Variants in FSTL5 observed in about 807,000 individuals in gnomAD.
FSTL5 encodes the protein follistatin-related protein 5.
A neutral mutation model predicts 89.1 loss-of-function variants in FSTL5; 62 were observed. The ratio of observed to expected loss-of-function variants is 0.70; its 90% CI spans 0.57 to 0.86. The LOEUF (loss-of-function observed/expected upper bound fraction) is 0.86. FSTL5 is among the 40% of genes least tolerant of loss of function. The pLI is 0.00. For synonymous variants in FSTL5, 383 were observed against 346.2 expected (o/e 1.11, Z -1.18); for missense variants, 1,057 against 1,001.6 (o/e 1.06, Z -0.75).
chr4:161,880,370 C>T (rs1732588786), intron 4 of FSTL5, among the ~76,000 whole-genome samples: 1 of 151,840 alleles, frequency 6.6e-6, no homozygotes, highest in African/African-American at 2.4e-5. Context: ...TTAAATATAA[C>T]AGAACTTGGA....
intron 6 of FSTL5, among the ~76,000 whole-genome samples, chr4:161,694,830 T>C (rs1317919320): frequency 6.8e-6 from 1 of 147,382 alleles, no homozygotes; most frequent in Non-Finnish European, 1.5e-5. Flanking sequence ...TTAGTGTTTG[T>C]TTTCTAAATG....
chr4:161,857,529 TG>T (rs1731759752), intron 4 of FSTL5, among the ~76,000 whole-genome samples: 1 of 152,196 alleles, frequency 6.6e-6, no homozygotes, highest in Non-Finnish European at 1.5e-5. Context: ...TGGAGCTAAC[TG>T]CTACTCATTC....
intron 8 of FSTL5, among the ~76,000 whole-genome samples, chr4:161,562,716 CCT>C (rs138101506): frequency 0.012 from 1,873 of 151,546 alleles, 58 homozygotes; most frequent in Admixed American, 0.063. Flanking sequence ...TAAAATGTAC[CCT>C]GTTACTGCTT....
At chr4:161,522,558 A>G (rs1731074804) in intron 10 of FSTL5, among the ~76,000 whole-genome samples, 1 of 151,434 alleles carries the variant, frequency 6.6e-6, no homozygotes, top group South Asian at 2.1e-4. Flanking sequence ...TAAAATACAT[A>G]TTACATACAT....
At chr4:162,077,684 T>G (rs1729923598) in intron 2 of FSTL5, among the ~76,000 whole-genome samples, 1 of 151,734 alleles carries the variant, frequency 6.6e-6, no homozygotes, top group Non-Finnish European at 1.5e-5. Flanking sequence ...GGAAGAAAAA[T>G]AACTTTAGAT....
intron 15 of FSTL5, among the ~76,000 whole-genome samples, chr4:161,450,619 T>C (rs999722350): frequency 5.9e-5 from 9 of 152,194 alleles, no homozygotes; most frequent in African/African-American, 2.2e-4. Context: ...TGGATACAAA[T>C]TACACATAGA....
At chr4:161,982,281 G>C (rs1390470496) in intron 3 of FSTL5, among the ~76,000 whole-genome samples, 2 of 152,174 alleles carry the variant, frequency 1.3e-5, no homozygotes, top group African/African-American at 4.8e-5. Context: ...TTCATTTGGG[G>C]TCAAGACTTG....
chr4:162,025,250 C>T (rs1405626280), intron 3 of FSTL5, among the ~76,000 whole-genome samples: 2 of 151,896 alleles, frequency 1.3e-5, no homozygotes, highest in Non-Finnish European at 2.9e-5. Context: ...AATAATGATT[C>T]GACATAGAAG....
At chr4:161,997,522 A>T (rs1736330108) in intron 3 of FSTL5, among the ~76,000 whole-genome samples, 2 of 152,168 alleles carry the variant, frequency 1.3e-5, no homozygotes, top group Admixed American at 1.3e-4. Flanking sequence ...TTGAATACAA[A>T]TCAAATACAC....
chr4:161,472,053 CA>C (rs1482825294), intron 13 of FSTL5, among the ~76,000 whole-genome samples: 1 of 151,494 alleles, frequency 6.6e-6, no homozygotes, highest in East Asian at 1.9e-4. Context: ...CTTGGCTCAC[CA>C]CAAGCTCCAC....
chr4:161,745,252 A>G (rs943862001), intron 6 of FSTL5, among the ~76,000 whole-genome samples: 1 of 152,066 alleles, frequency 6.6e-6, no homozygotes, highest in Non-Finnish European at 1.5e-5. Context: ...AATATTTAAA[A>G]ATATTCGTAC....
At chr4:161,496,303 G>C (rs1436984418) in intron 12 of FSTL5, among the ~76,000 whole-genome samples, 1 of 152,094 alleles carries the variant, frequency 6.6e-6, no homozygotes, top group Non-Finnish European at 1.5e-5. Flanking sequence ...TGTGATGGTT[G>C]ATTTATATGT....
At chr4:161,601,100 T>C (rs1410600754) in intron 7 of FSTL5, among the ~76,000 whole-genome samples, 2 of 151,990 alleles carry the variant, frequency 1.3e-5, no homozygotes, top group East Asian at 3.9e-4. Flanking sequence ...TGTGAGAGTA[T>C]AAAACCCTGG....
chr4:161,425,097 G>A (rs1177655275), intron 15 of FSTL5, among the ~76,000 whole-genome samples: 1 of 152,166 alleles, frequency 6.6e-6, no homozygotes, highest in Non-Finnish European at 1.5e-5. Context: ...TAAATTGGTT[G>A]TAATTTTGTC....
At chr4:161,981,596 C>A (rs1735829045) in intron 3 of FSTL5, among the ~76,000 whole-genome samples, 1 of 152,114 alleles carries the variant, frequency 6.6e-6, no homozygotes, top group Non-Finnish European at 1.5e-5. Flanking sequence ...GGGCATTATA[C>A]TTTCTTGTGT....
intron 4 of FSTL5, among the ~76,000 whole-genome samples, chr4:161,809,372 T>G (rs1730071913): frequency 1.3e-5 from 2 of 152,252 alleles, no homozygotes; most frequent in East Asian, 3.8e-4. Flanking sequence ...GGAGTCATTG[T>G]ACACGCCTAT....
At chr4:162,026,199 C>T (rs1322451636) in intron 3 of FSTL5, among the ~76,000 whole-genome samples, 1 of 151,254 alleles carries the variant, frequency 6.6e-6, no homozygotes, top group East Asian at 1.9e-4. Flanking sequence ...GAAGTTATTC[C>T]TTCAAGCTAA....
At chr4:161,824,844 C>G (rs1205690206) in intron 4 of FSTL5, among the ~76,000 whole-genome samples, 2 of 151,882 alleles carry the variant, frequency 1.3e-5, no homozygotes, top group Non-Finnish European at 2.9e-5. Flanking sequence ...TTGCATGAGT[C>G]TTTAGGGTTT....
intron 4 of FSTL5, among the ~76,000 whole-genome samples, chr4:161,887,561 T>C (rs1732854975): frequency 6.6e-6 from 1 of 152,148 alleles, no homozygotes; most frequent in Non-Finnish European, 1.5e-5. Flanking sequence ...ATTTTATCTT[T>C]TGCTACAATA....
Sources: gnomAD v4.1 joint callset for allele counts (sites outside exome capture counted in the v4.1 genomes callset) on GRCh38, gnomAD v4.1.1 for gene constraint, MANE v1.5 for transcripts, NCBI Gene and HGNC (gene_info 2026-07-23, HGNC 2026-07-21) for gene names.